BMP2K: variants seen among roughly 807,000 people sequenced by gnomAD.
BMP2K encodes the protein BMP-2-inducible protein kinase.
A neutral mutation model predicts 116.0 loss-of-function variants in BMP2K; 74 were observed. The observed-to-expected ratio is 0.64, with a 90% CI of 0.53 to 0.77. BMP2K has a LOEUF of 0.77. Ranked by LOEUF, BMP2K falls within the 30% of genes least tolerant of loss-of-function variation. The pLI, the probability that BMP2K is intolerant of heterozygous loss-of-function variation, is 0.00. For synonymous variants in BMP2K, 486 were observed against 502.5 expected (o/e 0.97, Z 0.44); for missense variants, 1,365 against 1,403.6 (o/e 0.97, Z 0.44).
rs1734942672 is a variant in BMP2K at position 78,915,234 on chromosome 4, G to T, written c.*3201G>T. 6.6e-6 allele frequency: 1 copy of T among 151,992 alleles called. No individual in the cohort carries two copies. The allele number at this position is 151,992 out of a possible 1,614,324, so 9.4% of individuals were successfully genotyped here. A position where few individuals can be genotyped will look rare whatever the true frequency, so the allele number is the denominator to read the frequency against. On this transcript the variant is annotated 3_prime_UTR_variant, in exon 16 of 16. Coordinates refer to ENST00000502613, the MANE Select transcript of BMP2K (RefSeq NM_198892.2). ...CCCTGTTTATTGTTTAAGAGTGATA[G>T]ACTGTTGTCCTCTTGCTGGTGGAAA...
At chr4:78,837,325 G>C (rs1730536303) in intron 3 of BMP2K, among the ~76,000 whole-genome samples, 1 of 152,044 alleles carries the variant, frequency 6.6e-6, no homozygotes, top group African/African-American at 2.4e-5. Context: ...CTCTTGAGTA[G>C]CTGGGATTAC....
intron 9 of BMP2K, among the ~76,000 whole-genome samples, chr4:78,863,642 G>A (rs1446939126): frequency 1.3e-5 from 2 of 152,144 alleles, no homozygotes; most frequent in Non-Finnish European, 1.5e-5. Flanking sequence ...AAGGGAAGCA[G>A]AAAAACAGCT....
intron 1 of BMP2K, among the ~76,000 whole-genome samples, chr4:78,796,084 A>AT (rs1728252752): frequency 1.3e-5 from 2 of 152,248 alleles, no homozygotes; most frequent in African/African-American, 4.8e-5. Flanking sequence ...ATAAAGACAC[A>AT]TGCACACGTA....
At chr4:78,795,827 A>G (rs975176220) in intron 1 of BMP2K, among the ~76,000 whole-genome samples, 1 of 152,304 alleles carries the variant, frequency 6.6e-6, no homozygotes, top group Middle Eastern at 3.4e-3. Flanking sequence ...AATGCAAATC[A>G]AAACCACAAT....
intron 1 of BMP2K, among the ~76,000 whole-genome samples, chr4:78,790,624 G>T (rs1727951071): frequency 6.6e-6 from 1 of 152,126 alleles, no homozygotes; most frequent in Non-Finnish European, 1.5e-5. Context: ...TACAAAAAAA[G>T]ATAATTTTTC....
intron 1 of BMP2K, among the ~76,000 whole-genome samples, chr4:78,797,203 G>A (rs1728338989): frequency 6.6e-6 from 1 of 152,164 alleles, no homozygotes; most frequent in South Asian, 2.1e-4. Flanking sequence ...TAGTACATCT[G>A]GGTAGGGCCG....
chr4:78,862,236 A>G (rs140816673), intron 9 of BMP2K, among the ~76,000 whole-genome samples: 1 of 151,508 alleles, frequency 6.6e-6, no homozygotes, highest in Non-Finnish European at 1.5e-5. Context: ...AAACACAAAG[A>G]AAAAAAAAGC....
intron 15 of BMP2K, 70 bp downstream of exon 15, chr4:78,887,354 A>G (rs1262272918): frequency 9.0e-7 from 1 of 1,113,930 alleles, no homozygotes; most frequent in Non-Finnish European, 1.3e-6. Flanking sequence ...AATCTTATAA[A>G]GTGGAAGTAA....
chr4:78,905,379 A>G (rs967250919), intron 15 of BMP2K, among the ~76,000 whole-genome samples: 1 of 151,926 alleles, frequency 6.6e-6, no homozygotes, highest in South Asian at 2.1e-4. Flanking sequence ...ATATCATTCT[A>G]CCATATTTAG....
At chr4:78,797,423 A>T (rs888066849) in intron 1 of BMP2K, among the ~76,000 whole-genome samples, 1 of 152,208 alleles carries the variant, frequency 6.6e-6, no homozygotes, top group African/African-American at 2.4e-5. Context: ...CTTAAATTTC[A>T]TCTAGGGTCC....
intron 6 of BMP2K, among the ~76,000 whole-genome samples, chr4:78,848,371 A>G (rs1731105535): frequency 6.6e-6 from 1 of 151,566 alleles, no homozygotes; most frequent in Non-Finnish European, 1.5e-5. Context: ...TGAATGGCTT[A>G]TAGTAAAGAT....
rs1387405472 is a variant in BMP2K at position 78,865,598 on chromosome 4, C to A, written c.1109C>A (p.Pro370Gln). Residue 370 changes from proline (P) to glutamine (Q), a missense_variant, in exon 10 of 16, where the codon CCA becomes CAA. Coordinates refer to ENST00000502613, the MANE Select transcript of BMP2K (RefSeq NM_198892.2). The part of the protein sequence containing the change: ...TIGPTETSIA[P>Q]RQRPKANSAT... ...GGACCAACAGAAACCTCAATTGCAC[C>A]AAGACAAAGACCAAAGGCCAACTCT... 6.2e-7 allele frequency: 1 copy of A among 1,613,880 alleles called. No homozygotes were observed. The highest frequency in any genetic ancestry group is 2.2e-5 in the East Asian group (1 of 44,886).
At chr4:78,876,248 G>A (rs1374929943) in intron 13 of BMP2K, among the ~76,000 whole-genome samples, 5 of 150,146 alleles carry the variant, frequency 3.3e-5, no homozygotes. Flanking sequence ...TTTACCCACT[G>A]TGATCTGTTT....
chr4:78,807,318 T>A (rs1728867404), intron 1 of BMP2K, among the ~76,000 whole-genome samples: 1 of 152,252 alleles, frequency 6.6e-6, no homozygotes, highest in Non-Finnish European at 1.5e-5. Context: ...TGTAATCTTT[T>A]TTTAATGTAT....
chr4:78,912,116 C>A lies in BMP2K; in HGVS notation c.*83C>A. 8.3e-7 allele frequency: 1 copy of A among 1,212,100 alleles called. No individual in the cohort carries two copies. The highest frequency in any genetic ancestry group is 1.2e-6 in the Non-Finnish European group (1 of 853,858). 75.1% of individuals were successfully genotyped at this position (1,212,100 alleles called of 1,614,324 possible). On this transcript the variant is annotated 3_prime_UTR_variant, in exon 16 of 16. Coordinates refer to ENST00000502613, the MANE Select transcript of BMP2K (RefSeq NM_198892.2). ...ATGAATTTGAAAGAAAATTTGGTAG[C>A]TCTTTATAGCATTCATTCTTAAAGA... is the stretch of plus-strand genomic sequence containing the variant.
chr4:78,844,989 C>G lies in BMP2K; in HGVS notation c.608C>G (p.Thr203Ser), dbSNP rs368203128. 1.8e-5 allele frequency: 28 copies of G among 1,595,246 alleles called. No homozygotes were observed. In the African/African-American group the frequency reaches 3.2e-4, roughly 18 times the overall value. ...GTACTTTGTGACTTTGGCAGTGCCACTAATAAATTTCTTAATCCTCAAAAA... is the reference window on the plus strand; with the variant it reads ...GTACTTTGTGACTTTGGCAGTGCCAGTAATAAATTTCTTAATCCTCAAAAA... Reference protein sequence around the residue: ...NYVLCDFGSATNKFLNPQKDG... With the variant: ...NYVLCDFGSASNKFLNPQKDG... Residue 203 changes from threonine to serine, a missense_variant, in exon 5 of 16, where the codon ACT becomes AGT. By Grantham distance (58) the Thr-to-Ser change is moderately conservative (BLOSUM62 1). Around this residue, in one of 3 missense-constraint regions of BMP2K, gnomAD observed 762 missense variants for 756.7 expected, o/e 1.01. Coordinates refer to ENST00000502613, the MANE Select transcript of BMP2K (RefSeq NM_198892.2).
At chr4:78,881,474 G>C (rs920174251) in intron 14 of BMP2K, among the ~76,000 whole-genome samples, 1 of 151,828 alleles carries the variant, frequency 6.6e-6, no homozygotes, top group Non-Finnish European at 1.5e-5. Flanking sequence ...CACTCTTTTA[G>C]GGTTCAAAAA....
chr4:78,820,350 T>C (rs1729556391), intron 1 of BMP2K, among the ~76,000 whole-genome samples: 1 of 152,208 alleles, frequency 6.6e-6, no homozygotes, highest in African/African-American at 2.4e-5. Context: ...GTTTTCTTGT[T>C]ATCTTGAGCC....
At chr4:78,905,813 T>A (rs1022749766) in intron 15 of BMP2K, among the ~76,000 whole-genome samples, 5 of 149,118 alleles carry the variant, frequency 3.4e-5, no homozygotes, top group African/African-American at 1.2e-4. Context: ...AGATCTGAAA[T>A]TTTTTTTTTT....
Sources: allele counts gnomAD v4.1 joint callset (sites outside exome capture counted in the v4.1 genomes callset), GRCh38; gene constraint gnomAD v4.1.1; regional missense constraint gnomAD v4.1.1; transcripts MANE v1.5; gene names NCBI Gene and HGNC (gene_info 2026-07-23, HGNC 2026-07-21).